Variants in RBFOX1 observed in about 807,000 individuals in gnomAD.
RBFOX1 encodes the protein RNA binding protein fox-1 homolog 1.
Under a neutral mutation model 57.7 loss-of-function variants are expected in RBFOX1, and 8 were observed. The ratio of observed to expected loss-of-function variants is 0.14; its 90% CI spans 0.08 to 0.25. The LOEUF (loss-of-function observed/expected upper bound fraction) is 0.25. RBFOX1 is among the 10% of genes least tolerant of loss of function. The pLI, the probability that RBFOX1 is intolerant of heterozygous loss-of-function variation, is 1.00. For synonymous variants in RBFOX1, 326 were observed against 222.4 expected (o/e 1.47, Z -4.15); for missense variants, 611 against 548.5 (o/e 1.11, Z -1.14).
chr16:7,468,243 C>T (rs986003641), intron 4 of RBFOX1, among the ~76,000 whole-genome samples: 1 of 152,126 alleles, frequency 6.6e-6, no homozygotes, highest in Admixed American at 6.5e-5. Flanking sequence ...CATACCCGCC[C>T]GACCTTTACC....
At chr16:6,824,598 G>A (rs1363007634) in intron 3 of RBFOX1, among the ~76,000 whole-genome samples, 1 of 152,134 alleles carries the variant, frequency 6.6e-6, no homozygotes, top group Non-Finnish European at 1.5e-5. Context: ...AGTTAAAGGT[G>A]TGCTGTTTTG....
intron 3 of RBFOX1, among the ~76,000 whole-genome samples, chr16:5,648,491 T>C (rs2049121223): frequency 1.3e-5 from 2 of 152,114 alleles, no homozygotes; most frequent in South Asian, 2.1e-4. Context: ...AATTTGGCAA[T>C]GTCCAGTGAC....
chr16:7,378,655 T>C (rs150262757), intron 4 of RBFOX1, among the ~76,000 whole-genome samples: 160 of 152,294 alleles, frequency 1.1e-3, no homozygotes, highest in African/African-American at 3.5e-3. Context: ...ACAAATTCAG[T>C]TTTGACCTCC....
At chr16:6,669,200 T>A (rs922718670) in intron 3 of RBFOX1, among the ~76,000 whole-genome samples, 8 of 152,062 alleles carry the variant, frequency 5.3e-5, no homozygotes, top group Non-Finnish European at 1.0e-4. Context: ...GCTGGAAAAA[T>A]TTGTGATGGA....
intron 3 of RBFOX1, among the ~76,000 whole-genome samples, chr16:6,714,619 T>C (rs1417663402): frequency 6.6e-6 from 1 of 152,042 alleles, no homozygotes; most frequent in African/African-American, 2.4e-5. Flanking sequence ...CAAGAAGAAA[T>C]GCAGGTATTG....
chr16:7,425,300 T>C (rs974986837), intron 4 of RBFOX1, among the ~76,000 whole-genome samples: 5 of 152,214 alleles, frequency 3.3e-5, no homozygotes, highest in African/African-American at 1.2e-4. Flanking sequence ...TGACTTCTTA[T>C]AAACCCGCAA....
intron 4 of RBFOX1, among the ~76,000 whole-genome samples, chr16:7,514,879 G>A (rs2076010063): frequency 6.6e-6 from 1 of 152,214 alleles, no homozygotes; most frequent in South Asian, 2.1e-4. Context: ...CTGATGAAAA[G>A]CCCCAGGGTT....
chr16:7,597,720 G>A (rs981125766), intron 9 of RBFOX1, among the ~76,000 whole-genome samples: 1 of 152,178 alleles, frequency 6.6e-6, no homozygotes, highest in East Asian at 1.9e-4. Context: ...AATTTCATTG[G>A]TTATTACAGT....
At chr16:5,789,546 GTCA>G (rs1157411363) in intron 3 of RBFOX1, among the ~76,000 whole-genome samples, 1 of 152,014 alleles carries the variant, frequency 6.6e-6, no homozygotes, top group Non-Finnish European at 1.5e-5. Flanking sequence ...CATCATCATC[GTCA>G]TCATCATCAC....
intron 3 of RBFOX1, among the ~76,000 whole-genome samples, chr16:6,780,435 GA>G (rs2080747513): frequency 2.1e-5 from 1 of 48,736 alleles, no homozygotes; most frequent in African/African-American, 9.2e-5. Flanking sequence ...TATATTTATA[GA>G]TATATTTATA....
intron 4 of RBFOX1, among the ~76,000 whole-genome samples, chr16:5,966,479 G>T (rs1453447662): frequency 6.6e-6 from 1 of 152,080 alleles, no homozygotes; most frequent in East Asian, 1.9e-4. Flanking sequence ...TTGTTTTGAG[G>T]TAGAGTCTTA....
intron 3 of RBFOX1, among the ~76,000 whole-genome samples, chr16:6,934,656 C>A (rs2077077918): frequency 6.6e-6 from 1 of 152,100 alleles, no homozygotes; most frequent in Non-Finnish European, 1.5e-5. Context: ...AAGACAAGTA[C>A]CATATTCTCA....
chr16:5,266,916 TTAAG>T (rs1474778766), intron 1 of RBFOX1, among the ~76,000 whole-genome samples: 11 of 152,008 alleles, frequency 7.2e-5, no homozygotes, highest in Non-Finnish European at 1.3e-4. Context: ...GCACATTTCT[TTAAG>T]TAATAATTCA....
intron 4 of RBFOX1, chr16:5,867,481 C>T: frequency 1.9e-6 from 1 of 539,762 alleles, no homozygotes; most frequent in Non-Finnish European, 2.8e-6. Flanking sequence ...TGAGTGGTTT[C>T]TGTGCTGCTG....
chr16:7,027,976 T>C (rs1433655555), intron 3 of RBFOX1, among the ~76,000 whole-genome samples: 1 of 148,808 alleles, frequency 6.7e-6, no homozygotes, highest in Non-Finnish European at 1.5e-5. Context: ...GAAACAAGGG[T>C]GGAAGGACGA....
At chr16:7,661,775 T>C (rs994446574) in intron 12 of RBFOX1, among the ~76,000 whole-genome samples, 1 of 152,190 alleles carries the variant, frequency 6.6e-6, no homozygotes, top group Non-Finnish European at 1.5e-5. Flanking sequence ...GTTTGAGCTT[T>C]TCACAATGAG....
At chr16:7,329,685 G>C (rs2096658868) in intron 4 of RBFOX1, among the ~76,000 whole-genome samples, 1 of 152,176 alleles carries the variant, frequency 6.6e-6, no homozygotes, top group South Asian at 2.1e-4. Flanking sequence ...CAGAATCAGA[G>C]AATGTATGAG....
chr16:6,735,033 T>C (rs1462336639), intron 3 of RBFOX1, among the ~76,000 whole-genome samples: 3 of 152,068 alleles, frequency 2.0e-5, no homozygotes, highest in East Asian at 1.9e-4. Context: ...TGTTCTCAGC[T>C]ACTTGGAAGA....
chr16:7,422,153 T>C (rs1032849391), intron 4 of RBFOX1, among the ~76,000 whole-genome samples: 1 of 152,180 alleles, frequency 6.6e-6, no homozygotes, highest in African/African-American at 2.4e-5. Context: ...TGTATGTTTG[T>C]GTACGTGTGC....
Sources: allele counts gnomAD v4.1 joint callset (sites outside exome capture counted in the v4.1 genomes callset), GRCh38; gene constraint gnomAD v4.1.1; transcripts MANE v1.5; gene names NCBI Gene and HGNC (gene_info 2026-07-23, HGNC 2026-07-21).